PCDHGB4: variants seen among roughly 807,000 people sequenced by gnomAD.
PCDHGB4 encodes protocadherin gamma subfamily B, 4.
In PCDHGB4, 38 loss-of-function variants were observed where a neutral mutation model predicts 60.5. The observed-to-expected ratio is 0.63, with a 90% CI of 0.48 to 0.82. The LOEUF is 0.82. PCDHGB4 is among the 40% of genes least tolerant of loss of function. PCDHGB4 has a pLI of 0.00. For synonymous variants in PCDHGB4, 456 were observed against 509.7 expected, an observed-to-expected ratio of 0.89 and a Z score of 1.42; for missense variants, 1,109 against 1,209.6, an observed-to-expected ratio of 0.92 and a Z score of 1.23.
chr5:141,467,756 T>A (rs1312303182), intron 1 of PCDHGB4, among the ~76,000 whole-genome samples: 5 of 151,988 alleles, frequency 3.3e-5, no homozygotes, highest in African/African-American at 1.2e-4. Flanking sequence ...CCGCCTCACA[T>A]GCTCAAGTGC....
At chr5:141,394,140 G>T (rs2092926485) in intron 1 of PCDHGB4, 1 of 1,613,868 alleles carries the variant, frequency 6.2e-7, no homozygotes, top group Non-Finnish European at 8.5e-7. Flanking sequence ...TCTGCACGTG[G>T]CAGACATTAA....
At chr5:141,397,495 A>T (rs1346259397) in intron 1 of PCDHGB4, among the ~76,000 whole-genome samples, 2 of 152,226 alleles carry the variant, frequency 1.3e-5, no homozygotes, top group Non-Finnish European at 2.9e-5. Flanking sequence ...GAACAGAAGA[A>T]TGATAAAATT....
At chr5:141,390,377 T>G in intron 1 of PCDHGB4, 96 bp downstream of exon 1, 9 of 1,463,992 alleles carry the variant, frequency 6.1e-6, no homozygotes, top group Non-Finnish European at 8.4e-6. Flanking sequence ...TATATAATTT[T>G]TAGATGTCAT....
At chr5:141,403,300 G>C (rs1469024873) in intron 1 of PCDHGB4, 4 of 1,613,892 alleles carry the variant, frequency 2.5e-6, no homozygotes, top group Non-Finnish European at 3.4e-6. Context: ...GAGTGAAACT[G>C]TACGGAATAG....
At chr5:141,398,936 AC>A in intron 1 of PCDHGB4, 1 of 1,613,962 alleles carries the variant, frequency 6.2e-7, no homozygotes, top group East Asian at 2.2e-5. Context: ...ACTGACCAAG[AC>A]GAGGGCATCA....
chr5:141,430,996 G>T, intron 1 of PCDHGB4: 1 of 1,614,024 alleles, frequency 6.2e-7, no homozygotes, highest in Middle Eastern at 1.6e-4. Flanking sequence ...CCCTGAATCC[G>T]CGCAGCGGCA....
chr5:141,495,449 GCT>G (rs560850951), intron 2 of PCDHGB4, among the ~76,000 whole-genome samples: 3 of 152,194 alleles, frequency 2.0e-5, no homozygotes, highest in Non-Finnish European at 2.9e-5. Flanking sequence ...TACTTGTCCT[GCT>G]CTCTGTCTGT....
chr5:141,432,627 C>T lies in PCDHGB4; in HGVS notation c.2397+42346C>T. ...GGACTCTTCTCGGTGGGTCTGCACA[C>T]GGGCGAGGTGCGCACGGCGCGAGCC... On this transcript the variant is annotated intron_variant, in intron 1 of 3. Coordinates refer to ENST00000519479, the MANE Select transcript of PCDHGB4 (RefSeq NM_003736.4). This position sits in a 1 kb window ranked among gnomAD's most constrained non-coding sequence, Gnocchi z 6.0. 1.2e-6 allele frequency: 2 copies of T among 1,613,770 alleles called. No individual in the cohort carries two copies. Among genetic ancestry groups the T allele is most frequent in the Non-Finnish European group, 1.7e-6 (2 of 1,179,944 alleles).
Position 141,477,968 on chromosome 5 carries a change from C to T in PCDHGB4, c.2398-16839C>T. 6.2e-7 allele frequency: 1 copy of T among 1,614,140 alleles called. No individual in the cohort carries two copies. Among genetic ancestry groups the T allele is most frequent in the Non-Finnish European group, 8.5e-7 (1 of 1,180,042 alleles). The stretch of plus-strand genomic sequence containing the variant: ...TCTCTTGGGATCCCCTAACCAGAGC[C>T]TTTTTGCCATAGGGCTGCACACTGG... On this transcript the variant is annotated intron_variant, in intron 1 of 3. Transcript: ENST00000519479. The surrounding 1 kb of genome is among the most constrained non-coding windows in gnomAD (Gnocchi z 4.9).
intron 1 of PCDHGB4, chr5:141,403,315 A>G (rs1268267002): frequency 6.2e-7 from 1 of 1,613,974 alleles, no homozygotes; most frequent in Non-Finnish European, 8.5e-7. Flanking sequence ...GAATAGAAAT[A>G]GAAGTAACTG....
intron 1 of PCDHGB4, chr5:141,418,973 C>T: frequency 3.1e-6 from 5 of 1,613,916 alleles, no homozygotes; most frequent in Non-Finnish European, 3.4e-6. Context: ...CTTCAAAACA[C>T]GGGACCAAGA....
Position 141,395,397 on chromosome 5 carries a change from A to G in PCDHGB4, c.2397+5116A>G. ...GGTGTTACTATAAAATTGAACTCTAATAGTCATAGGTTATTGTTTCATTTG... is the reference window on the plus strand; with the variant it reads ...GGTGTTACTATAAAATTGAACTCTAGTAGTCATAGGTTATTGTTTCATTTG... On this transcript the variant is annotated intron_variant, in intron 1 of 3. Coordinates refer to ENST00000519479, the MANE Select transcript of PCDHGB4 (RefSeq NM_003736.4). The G allele has an allele frequency of 7.8e-6, 7 of 895,314 alleles. No individual in the cohort carries two copies. The South Asian group carries it at 9.5e-5, about 12-fold the overall frequency. 55.5% of individuals were successfully genotyped at this position (895,314 alleles called of 1,614,324 possible). A position where few individuals can be genotyped will look rare whatever the true frequency, so the allele number is the denominator to read the frequency against.
intron 1 of PCDHGB4, chr5:141,407,996 TGG>T: frequency 1.1e-6 from 1 of 872,310 alleles, no homozygotes; most frequent in South Asian, 2.0e-5. Flanking sequence ...GCCTCTGGCC[TGG>T]GATTCCCTGC....
At chr5:141,409,036 C>T in intron 1 of PCDHGB4, 1 of 1,614,020 alleles carries the variant, frequency 6.2e-7, no homozygotes, top group Non-Finnish European at 8.5e-7. Context: ...CTGAGATAAA[C>T]TACTACTTCC....
At chr5:141,425,321 G>A (rs1020940689) in intron 1 of PCDHGB4, among the ~76,000 whole-genome samples, 2 of 152,182 alleles carry the variant, frequency 1.3e-5, no homozygotes, top group South Asian at 2.1e-4. Flanking sequence ...CAAGATCGTG[G>A]AGAACAAAAA....
chr5:141,491,537 C>T lies in PCDHGB4; in HGVS notation c.2398-3270C>T, dbSNP rs1330469043. The T allele has an allele frequency of 3.1e-6, 5 of 1,613,908 alleles. No homozygotes were observed. The highest frequency in any genetic ancestry group is 4.2e-6 in the Non-Finnish European group (5 of 1,180,020). On this transcript the variant is annotated intron_variant, in intron 1 of 3. Transcript: ENST00000519479. This position sits in a 1 kb window ranked among gnomAD's most constrained non-coding sequence, Gnocchi z 6.9. ...AAGTACATGGAGGTGACGCTGCGGC[C>T]CACAGACTCGCAGAGCCACTGCTAC...
chr5:141,490,604 A>T lies in PCDHGB4; in HGVS notation c.2398-4203A>T, dbSNP rs749528675. ...GTCAATGACAATGCACCCCGCTTCA[A>T]CCAGCAGCTTTACACTGCTTACATC... On this transcript the variant is annotated intron_variant, in intron 1 of 3. Transcript: ENST00000519479. The surrounding 1 kb of genome is among the most constrained non-coding windows in gnomAD (Gnocchi z 5.4). 6.2e-7 allele frequency: 1 copy of T among 1,614,192 alleles called. No homozygotes were observed. The highest frequency in any genetic ancestry group is 8.5e-7 in the Non-Finnish European group (1 of 1,180,022).
intron 1 of PCDHGB4, chr5:141,414,885 C>T: frequency 6.2e-7 from 1 of 1,614,224 alleles, no homozygotes; most frequent in South Asian, 1.1e-5. Context: ...TGTACCCCGC[C>T]CTCCCCACAG....
intron 3 of PCDHGB4, among the ~76,000 whole-genome samples, chr5:141,505,973 G>A (rs1207489923): frequency 6.6e-6 from 1 of 152,166 alleles, no homozygotes; most frequent in Non-Finnish European, 1.5e-5. Context: ...ATCCCCAGCC[G>A]AGAGAACACC....
Sources: gnomAD v4.1 joint callset for allele counts (sites outside exome capture counted in the v4.1 genomes callset) on GRCh38, gnomAD v4.1.1 for gene constraint, Gnocchi (gnomAD v3.1) non-coding constraint, MANE v1.5 for transcripts, NCBI Gene and HGNC (gene_info 2026-07-23, HGNC 2026-07-21) for gene names.